EDNRB: variants seen among roughly 807,000 people sequenced by gnomAD.
EDNRB encodes endothelin receptor type B, also known as Hirschsprung disease 2.
A neutral mutation model predicts 46.4 loss-of-function variants in EDNRB; 18 were observed. The ratio of observed to expected loss-of-function variants is 0.39; its 90% confidence interval spans 0.27 to 0.57. The LOEUF (loss-of-function observed/expected upper bound fraction) is 0.57, where lower values mean the gene tolerates loss of function less well. Ranked by LOEUF, EDNRB falls within the 20% of genes least tolerant of loss-of-function variation. The probability of loss-of-function intolerance (pLI) is 0.61; values close to 1 mark genes in which losing one functional copy is unlikely to be tolerated. For synonymous variants in EDNRB, 213 were observed against 204.9 expected (o/e 1.04, Z -0.34); for missense variants, 434 against 537.5 (o/e 0.81, Z 1.90).
At chr13:77,943,380 T>C (rs1181405427) in intron 1 of EDNRB, among the ~76,000 whole-genome samples, 1 of 152,130 alleles carries the variant, frequency 6.6e-6, no homozygotes, top group Non-Finnish European at 1.5e-5. Flanking sequence ...CATATACTCA[T>C]GCATTTCATC....
At chr13:77,951,857 C>G (rs1881099547) in intron 1 of EDNRB, among the ~76,000 whole-genome samples, 1 of 152,136 alleles carries the variant, frequency 6.6e-6, no homozygotes, top group African/African-American at 2.4e-5. Flanking sequence ...CAATCCCATT[C>G]TTTACTCAAG....
intron 1 of EDNRB, among the ~76,000 whole-genome samples, chr13:77,905,470 G>GTTCA (rs1879228998): frequency 1.3e-5 from 2 of 151,940 alleles, no homozygotes. Context: ...AATTCTGCTT[G>GTTCA]TTCATTCATT....
chr13:77,954,271 A>G (rs1043849784), intron 1 of EDNRB, among the ~76,000 whole-genome samples: 1 of 152,126 alleles, frequency 6.6e-6, no homozygotes, highest in African/African-American at 2.4e-5. Flanking sequence ...CAAGATTTAT[A>G]AAAACTCCTT....
At chr13:77,968,654 A>G (rs1537064) in intron 1 of EDNRB, among the ~76,000 whole-genome samples, 150,118 of 152,264 alleles carry the variant, frequency 0.99, 74,041 homozygotes, top group Middle Eastern at 1. Context: ...CAAAGAGAGC[A>G]TGTGCTACGG....
At position 77,899,468 on chromosome 13, in the gene EDNRB, C is replaced by T. The variant is rs560250356; in HGVS notation, c.1194+391G>A. The T allele has an allele frequency of 2.1e-5, 4 of 187,298 alleles. No individual in the cohort carries two copies. In the South Asian group the frequency reaches 4.0e-4, roughly 19 times the overall value. The allele number at this position is 187,298 out of a possible 1,614,324, so 11.6% of individuals were successfully genotyped here. On this transcript the variant is annotated intron_variant, in intron 6 of 6. Coordinates refer to ENST00000646607, the MANE Select transcript of EDNRB (RefSeq NM_001122659.3). ...TCTCACAGTCCATGTGAAAAAGGAACTAATTTAGTTATAATAATAATTGCA... is the reference window on the plus strand; with the variant it reads ...TCTCACAGTCCATGTGAAAAAGGAATTAATTTAGTTATAATAATAATTGCA...
At chr13:77,960,054 A>G (rs1360974883) in intron 1 of EDNRB, among the ~76,000 whole-genome samples, 1 of 152,264 alleles carries the variant, frequency 6.6e-6, no homozygotes, top group African/African-American at 2.4e-5. Flanking sequence ...GACCAAATTT[A>G]CATCTGATTG....
chr13:77,951,783 A>G (rs1881097900), intron 1 of EDNRB, among the ~76,000 whole-genome samples: 1 of 152,072 alleles, frequency 6.6e-6, no homozygotes, highest in African/African-American at 2.4e-5. Context: ...TTTTATTGAG[A>G]GGAGGCTTTA....
upstream of EDNRB, among the ~76,000 whole-genome samples, chr13:77,923,114 A>T (rs1176860663): frequency 6.6e-6 from 1 of 152,198 alleles, no homozygotes; most frequent in East Asian, 1.9e-4. Context: ...TGTAACTAGA[A>T]ATAAGACTTC....
intron 6 of EDNRB, among the ~76,000 whole-genome samples, chr13:77,899,263 G>A (rs1208695169): frequency 6.6e-6 from 1 of 151,840 alleles, no homozygotes; most frequent in South Asian, 2.1e-4. Context: ...TCACATTAGG[G>A]GAGGGGATAT....
chr13:77,953,289 T>C (rs1881144647), intron 1 of EDNRB, among the ~76,000 whole-genome samples: 5 of 152,120 alleles, frequency 3.3e-5, no homozygotes, highest in Admixed American at 3.3e-4. Flanking sequence ...TCCAATTAAA[T>C]AAATACCATA....
intron 1 of EDNRB, among the ~76,000 whole-genome samples, chr13:77,970,701 G>A (rs746547713): frequency 5.3e-5 from 8 of 151,912 alleles, no homozygotes; most frequent in Admixed American, 4.6e-4. Context: ...GCTCAGATGG[G>A]TCATAACACA....
At chr13:77,912,322 C>G (rs766478712) in intron 1 of EDNRB, among the ~76,000 whole-genome samples, 2 of 152,030 alleles carry the variant, frequency 1.3e-5, no homozygotes, top group Non-Finnish European at 2.9e-5. Context: ...CAAATTGAAC[C>G]TAGGGAACCT....
Position 77,901,211 on chromosome 13 carries a change from T to C in EDNRB, c.802-4A>G, listed in dbSNP as rs1447522316. ...AATCTTTTGCTGTCTTGTAAAACTA[T>C]AGGGATGAGAGAATTTTTACGATTA... On this transcript the variant is annotated splice_region_variant and splice_polypyrimidine_tract_variant and intron_variant, in intron 3 of 6. Coordinates refer to ENST00000646607, the MANE Select transcript of EDNRB (RefSeq NM_001122659.3). 6.2e-7 allele frequency: 1 copy of C among 1,610,002 alleles called. No homozygotes were observed.
Position 77,918,220 on chromosome 13 carries a change from C to A in EDNRB, c.354G>T (p.Gly118=). ...AGATAATTCTCAGAAGTGTGGAGTT[C>A]CCGATGATCCCCAGCACGAACACAA... ...SCLVFVLGII[G]NSTLLRIIYK... is the part of the protein sequence containing the mutation. Residue 118 remains glycine, a synonymous_variant, in exon 1 of 7, where the codon GGG becomes GGT. Coordinates refer to ENST00000646607, the MANE Select transcript of EDNRB (RefSeq NM_001122659.3). This position sits in a 1 kb window ranked among gnomAD's most constrained non-coding sequence, Gnocchi z 4.5. 2 of 1,614,094 alleles carry A rather than the reference C, an allele frequency of 1.2e-6. No homozygotes were observed. Among genetic ancestry groups the A allele is most frequent in the South Asian group, 1.1e-5 (1 of 91,066 alleles).
intron 1 of EDNRB, among the ~76,000 whole-genome samples, chr13:77,933,362 G>C (rs1259423901): frequency 6.6e-6 from 1 of 152,102 alleles, no homozygotes; most frequent in African/African-American, 2.4e-5. Flanking sequence ...TATAAGATTT[G>C]GGTAGGTAAA....
intron 1 of EDNRB, among the ~76,000 whole-genome samples, chr13:77,935,300 C>T (rs534050373): frequency 6.6e-6 from 1 of 152,276 alleles, no homozygotes; most frequent in East Asian, 1.9e-4. Context: ...GTAAGAATTC[C>T]AACTGCACAG....
intron 1 of EDNRB, among the ~76,000 whole-genome samples, chr13:77,926,798 A>T (rs1169877539): frequency 6.6e-6 from 1 of 152,212 alleles, no homozygotes. Context: ...ATAAAGATAT[A>T]CTGAGACTGG....
At chr13:77,923,124 C>T (rs925879829), upstream of EDNRB, among the ~76,000 whole-genome samples, 1 of 152,154 alleles carries the variant, frequency 6.6e-6, no homozygotes, top group African/African-American at 2.4e-5. Context: ...AATAAGACTT[C>T]ATTAATTCTT....
At chr13:77,906,948 C>T (rs1383408159) in intron 1 of EDNRB, among the ~76,000 whole-genome samples, 1 of 152,036 alleles carries the variant, frequency 6.6e-6, no homozygotes, top group African/African-American at 2.4e-5. Context: ...CCTATGCTTA[C>T]AACCACTATA....
Sources: allele counts gnomAD v4.1 joint callset (sites outside exome capture counted in the v4.1 genomes callset), GRCh38; gene constraint gnomAD v4.1.1; non-coding constraint Gnocchi (gnomAD v3.1); transcripts MANE v1.5; gene names NCBI Gene and HGNC (gene_info 2026-07-23, HGNC 2026-07-21).